Variants in FAM53A observed in about 807,000 individuals in gnomAD.
FAM53A encodes family with sequence similarity 53 member A.
FAM53A carries 28 observed loss-of-function variants against 26.6 expected under a neutral mutation model. That is an observed-to-expected ratio of 1.05 (90% CI 0.78 to 1.45). FAM53A has a LOEUF of 1.45. Among genes scored for constraint, FAM53A ranks in the 40% most tolerant of loss-of-function variants. The probability of loss-of-function intolerance (pLI) is 0.00; values close to 1 mark genes in which losing one functional copy is unlikely to be tolerated. For missense variants in FAM53A, 650 were observed against 575.8 expected (o/e 1.13, Z -1.32); for synonymous variants, 290 against 253.1 (o/e 1.15, Z -1.38).
the FAM53A span, among the ~76,000 whole-genome samples, chr4:1,603,835 G>C: frequency 3.3e-5 from 5 of 152,208 alleles, no homozygotes; most frequent in African/African-American, 4.8e-5. Context: ...AGCCTCAGAG[G>C]CTGGCAGGCG....
chr4:1,682,937 C>T (rs1715556303), intron 1 of FAM53A, among the ~76,000 whole-genome samples: 1 of 152,194 alleles, frequency 6.6e-6, no homozygotes, highest in Non-Finnish European at 1.5e-5. Flanking sequence ...TGAGTGTGAC[C>T]CTCAAAGTCG....
intron 2 of FAM53A, among the ~76,000 whole-genome samples, chr4:1,662,929 T>TAATTA (rs1713946807): frequency 3.3e-5 from 5 of 152,132 alleles, no homozygotes; most frequent in Non-Finnish European, 7.4e-5. Flanking sequence ...GCACAGTGGC[T>TAATTA]CATGCCTGTA....
chr4:1,682,295 GCT>G (rs1426835444), intron 1 of FAM53A, among the ~76,000 whole-genome samples: 1 of 145,798 alleles, frequency 6.9e-6, no homozygotes, highest in African/African-American at 2.6e-5. Context: ...ACAGAGTCTG[GCT>G]CTGTCATCAC....
At chr4:1,579,419 C>T in the FAM53A span, among the ~76,000 whole-genome samples, 1 of 151,882 alleles carries the variant, frequency 6.6e-6, no homozygotes, top group Non-Finnish European at 1.5e-5. Flanking sequence ...TGCGTGGGCG[C>T]CTGCGCCACC....
rs571990887 is a variant in FAM53A, at chr4:1,680,305, G to C, written c.-165+3928C>G. ...TTGCACTCCAGCCTGGGCAACGAGAGTGAAACTCCGTCTCAAAAAAAAAAA... is the reference window on the plus strand; with the variant it reads ...TTGCACTCCAGCCTGGGCAACGAGACTGAAACTCCGTCTCAAAAAAAAAAA... On this transcript the variant is annotated intron_variant, in intron 1 of 4. Transcript: ENST00000308132. Among the ~76,000 whole-genome samples, 4 of 104,350 alleles carry C rather than the reference G, an allele frequency of 3.8e-5. No individual in the cohort carries two copies. In the East Asian group the frequency reaches 1.6e-3, roughly 41 times the overall value. The allele number at this position is 104,350 out of a possible 152,430, so 68.5% of individuals were successfully genotyped here.
intron 3 of FAM53A, among the ~76,000 whole-genome samples, chr4:1,656,446 C>T (rs547959023): frequency 6.6e-6 from 1 of 152,190 alleles, no homozygotes; most frequent in Admixed American, 6.5e-5. Flanking sequence ...GGCTGTGAGA[C>T]CTGCCTCTGG....
chr4:1,656,884 G>A (rs1440468304), intron 3 of FAM53A, among the ~76,000 whole-genome samples: 2 of 152,138 alleles, frequency 1.3e-5, no homozygotes, highest in Admixed American at 1.3e-4. Context: ...CGCTGGGGGA[G>A]GACCTGGGAC....
intron 2 of FAM53A, among the ~76,000 whole-genome samples, chr4:1,664,961 G>C (rs1333131572): frequency 6.6e-6 from 1 of 152,020 alleles, no homozygotes; most frequent in Non-Finnish European, 1.5e-5. Flanking sequence ...CTGGGCAACA[G>C]AGTGAGACTC....
intron 1 of FAM53A, among the ~76,000 whole-genome samples, chr4:1,671,356 G>A (rs80242846): frequency 3.4e-5 from 4 of 118,776 alleles, no homozygotes; most frequent in Admixed American, 8.7e-5. Flanking sequence ...GCCACGGCCC[G>A]GACTCACCTC....
downstream of FAM53A, among the ~76,000 whole-genome samples, chr4:1,614,223 T>TGG (rs1714724608): frequency 6.6e-6 from 1 of 151,678 alleles, no homozygotes; most frequent in African/African-American, 2.4e-5. Context: ...GTGGGGCTTG[T>TGG]GGAAAGGGTG....
chr4:1,576,661 G>A, the FAM53A span, among the ~76,000 whole-genome samples: 3 of 152,244 alleles, frequency 2.0e-5, no homozygotes, highest in Non-Finnish European at 2.9e-5. Context: ...CCAGAAAGTC[G>A]AAGAGGCGGC....
intron 1 of FAM53A, 136 bp downstream of exon 1, chr4:1,684,097 G>A (rs986603878): frequency 3.3e-5 from 5 of 152,052 alleles, no homozygotes; most frequent in Admixed American, 3.3e-4. Context: ...GCCCAGCTCG[G>A]AGCGCAGGGC....
the FAM53A span, among the ~76,000 whole-genome samples, chr4:1,603,626 C>G: frequency 3.9e-4 from 59 of 152,324 alleles, no homozygotes; most frequent in South Asian, 4.1e-3. Context: ...GTGAAGGCAG[C>G]CCTGCCCCTC....
chr4:1,680,341 A>AAAC (rs1560217156), intron 1 of FAM53A, among the ~76,000 whole-genome samples: 2 of 150,972 alleles, frequency 1.3e-5, no homozygotes, highest in East Asian at 1.9e-4. Flanking sequence ...AAAAAAAAAA[A>AAAC]AAAACACACC....
At chr4:1,618,612 G>T (rs879374377) in intron 1 of FAM53A, among the ~76,000 whole-genome samples, 6 of 152,194 alleles carry the variant, frequency 3.9e-5, no homozygotes, top group Admixed American at 6.5e-5. Flanking sequence ...GGCAGCCTGA[G>T]GGGTGGACTG....
chr4:1,592,055 G>A, the FAM53A span, among the ~76,000 whole-genome samples: 1 of 152,134 alleles, frequency 6.6e-6, no homozygotes, highest in Non-Finnish European at 1.5e-5. Flanking sequence ...ATAAATGGAT[G>A]CTATTTTTAA....
the FAM53A span, among the ~76,000 whole-genome samples, chr4:1,576,226 C>T: frequency 6.6e-6 from 1 of 152,250 alleles, no homozygotes; most frequent in Non-Finnish European, 1.5e-5. Flanking sequence ...CACGCGGCTG[C>T]CTTCATCCTC....
downstream of FAM53A, among the ~76,000 whole-genome samples, chr4:1,637,397 G>A (rs1245261513): frequency 5.3e-5 from 8 of 152,196 alleles, no homozygotes; most frequent in Admixed American, 3.9e-4. Context: ...TGGAGGGAAC[G>A]GTTGGGGGTG....
downstream of FAM53A, among the ~76,000 whole-genome samples, chr4:1,614,856 C>T (rs1236632367): frequency 6.6e-6 from 1 of 152,186 alleles, no homozygotes; most frequent in Non-Finnish European, 1.5e-5. Context: ...GCAGGTCGCC[C>T]CACACGCATT....
Sources: allele counts gnomAD v4.1 joint callset (sites outside exome capture counted in the v4.1 genomes callset), GRCh38; gene constraint gnomAD v4.1.1; transcripts MANE v1.5; gene names NCBI Gene and HGNC (gene_info 2026-07-23, HGNC 2026-07-21).